Variants in ZBBX observed in about 807,000 individuals in gnomAD.
The protein encoded by ZBBX is zinc finger B-box domain containing.
In ZBBX, 101 loss-of-function variants were observed where a neutral mutation model predicts 108.5. The ratio of observed to expected loss-of-function variants is 0.93; its 90% CI spans 0.79 to 1.10. The LOEUF is 1.10. ZBBX is among the 50% of genes least tolerant of loss of function. ZBBX has a pLI of 0.00. For synonymous variants in ZBBX, 356 were observed against 323.4 expected (o/e 1.10, Z -1.08); for missense variants, 1,009 against 941.4 (o/e 1.07, Z -0.94).
At chr3:167,390,762 G>A (rs762588460) in intron 1 of ZBBX, among the ~76,000 whole-genome samples, 4 of 151,952 alleles carry the variant, frequency 2.6e-5, no homozygotes, top group Non-Finnish European at 5.9e-5. Context: ...GTTGTGAATG[G>A]GAGTTCACTC....
chr3:167,291,175 G>A (rs913365439), intron 18 of ZBBX, among the ~76,000 whole-genome samples: 1 of 151,864 alleles, frequency 6.6e-6, no homozygotes, highest in Non-Finnish European at 1.5e-5. Context: ...TACCAAGACA[G>A]GCCAACATTC....
the ZBBX span, among the ~76,000 whole-genome samples, chr3:167,218,040 G>C: frequency 1.3e-5 from 2 of 151,970 alleles, no homozygotes; most frequent in African/African-American, 4.8e-5. Flanking sequence ...ACCACACCCG[G>C]CCCCTTTCTC....
rs376567768 is a variant in ZBBX, at chr3:167,248,903, C to T, written c.2255-6260G>A. Among the ~76,000 whole-genome samples, 24 of 152,342 alleles carry T rather than the reference C, an allele frequency of 1.6e-4. No homozygotes were observed. The South Asian group carries it at 4.6e-3, about 29-fold the overall frequency. On this transcript the variant is annotated intron_variant, in intron 20 of 21. Transcript: ENST00000675490. ...ATACTGCATCAGTATCCATGGCCGG[C>T]ACCTGCCAAGGTCATCGGGGCTCAG...
At chr3:167,326,153 A>G (rs1176625049) in intron 11 of ZBBX, among the ~76,000 whole-genome samples, 1 of 152,196 alleles carries the variant, frequency 6.6e-6, no homozygotes, top group African/African-American at 2.4e-5. Context: ...CCATCGATAA[A>G]TGTCTGATTA....
intron 19 of ZBBX, among the ~76,000 whole-genome samples, chr3:167,287,742 A>G (rs2108552359): frequency 6.6e-6 from 1 of 152,250 alleles, no homozygotes; most frequent in South Asian, 2.1e-4. Context: ...AGAGGGAAGC[A>G]ACCAGAATTT....
chr3:167,276,611 C>T (rs374401913), intron 20 of ZBBX, among the ~76,000 whole-genome samples: 15 of 152,250 alleles, frequency 9.9e-5, no homozygotes, highest in South Asian at 4.2e-4. Flanking sequence ...ACCAAATCTA[C>T]GTCTGACTGG....
chr3:167,320,700 A>C (rs1290726319), intron 12 of ZBBX, among the ~76,000 whole-genome samples: 1 of 152,076 alleles, frequency 6.6e-6, no homozygotes, highest in Non-Finnish European at 1.5e-5. Context: ...ATCAAGGTTA[A>C]CATCATCTGT....
chr3:167,291,810 C>T (rs760684548), intron 18 of ZBBX, among the ~76,000 whole-genome samples: 25 of 152,122 alleles, frequency 1.6e-4, no homozygotes, highest in Non-Finnish European at 3.1e-4. Flanking sequence ...TCAGGAGACC[C>T]ATCTCACGTG....
intron 1 of ZBBX, among the ~76,000 whole-genome samples, chr3:167,397,025 A>T (rs962978901): frequency 1.1e-4 from 16 of 150,692 alleles, no homozygotes; most frequent in African/African-American, 3.9e-4. Context: ...GGCATTGCTC[A>T]TTTTTTTCCC....
intron 20 of ZBBX, among the ~76,000 whole-genome samples, chr3:167,244,199 A>T (rs1219296785): frequency 6.6e-6 from 1 of 152,194 alleles, no homozygotes; most frequent in Non-Finnish European, 1.5e-5. Context: ...CTGGTAGCTC[A>T]CCAATATTGT....
intron 6 of ZBBX, 33 bp from the exon 7 acceptor site, chr3:167,360,756 T>A: frequency 7.6e-7 from 1 of 1,320,618 alleles, no homozygotes. Flanking sequence ...ATTTGTCAGG[T>A]ATATATTATC....
chr3:167,361,753 C>T (rs907289932), intron 6 of ZBBX, among the ~76,000 whole-genome samples: 1 of 152,086 alleles, frequency 6.6e-6, no homozygotes, highest in African/African-American at 2.4e-5. Flanking sequence ...TAATGTTATA[C>T]AAGTTACAGA....
chr3:167,348,893 A>G (rs1742169731), intron 9 of ZBBX, among the ~76,000 whole-genome samples: 1 of 152,124 alleles, frequency 6.6e-6, no homozygotes, highest in South Asian at 2.1e-4. Context: ...TTAACAAAAC[A>G]AAATAATGCT....
intron 1 of ZBBX, among the ~76,000 whole-genome samples, chr3:167,407,504 C>T (rs573728025): frequency 6.6e-6 from 1 of 152,092 alleles, no homozygotes; most frequent in East Asian, 1.9e-4. Flanking sequence ...TCCCCCAAAA[C>T]TTAAGTACTA....
At chr3:167,348,362 A>AAGAAAGAAAGAG (rs1560163608) in intron 9 of ZBBX, among the ~76,000 whole-genome samples, 2 of 143,142 alleles carry the variant, frequency 1.4e-5, no homozygotes, top group Non-Finnish European at 3.0e-5. Context: ...GAAAGAAAGA[A>AAGAAAGAAAGAG]AGAAAGAAAA....
chr3:167,237,269 T>C (rs570251129), downstream of ZBBX, among the ~76,000 whole-genome samples: 1 of 152,006 alleles, frequency 6.6e-6, no homozygotes, highest in Admixed American at 6.6e-5. Context: ...TAAAAAATAC[T>C]AAAACTATTA....
chr3:167,261,775 C>CAAAAAA (rs60045904), intron 20 of ZBBX, among the ~76,000 whole-genome samples: 1 of 96,280 alleles, frequency 1.0e-5, no homozygotes, highest in Non-Finnish European at 2.0e-5. Flanking sequence ...CTCCCAACTG[C>CAAAAAA]AAAAAAAAAA....
intron 8 of ZBBX, among the ~76,000 whole-genome samples, chr3:167,350,953 A>C (rs1393518549): frequency 6.6e-6 from 1 of 152,088 alleles, no homozygotes; most frequent in Non-Finnish European, 1.5e-5. Context: ...ATGGATTTAC[A>C]TGACATAATT....
At chr3:167,305,994 A>C (rs1194261852) in intron 16 of ZBBX, 44 bp from the exon 17 acceptor site, 1 of 1,387,536 alleles carries the variant, frequency 7.2e-7, no homozygotes, top group East Asian at 2.5e-5. Flanking sequence ...AATAAATTTA[A>C]ACAAATAATT....
Sources: gnomAD v4.1 joint callset for allele counts (sites outside exome capture counted in the v4.1 genomes callset) on GRCh38, gnomAD v4.1.1 for gene constraint, MANE v1.5 for transcripts, NCBI Gene and HGNC (gene_info 2026-07-23, HGNC 2026-07-21) for gene names.